Variants in ROBO2 observed in about 807,000 individuals in gnomAD.
ROBO2 encodes the protein roundabout homolog 2.
Under a neutral mutation model 160.8 loss-of-function variants are expected in ROBO2, and 53 were observed. That is an observed-to-expected ratio of 0.33 (90% CI 0.26 to 0.41). ROBO2 has a LOEUF of 0.41. Among genes scored for constraint, ROBO2 ranks in the 10% least tolerant of loss-of-function variants. ROBO2 has a pLI of 1.00. For synonymous variants in ROBO2, 664 were observed against 611.7 expected (o/e 1.09, Z -1.26); for missense variants, 1,577 against 1,722.4 (o/e 0.92, Z 1.49).
chr3:76,035,156 CT>C (rs1180539253), intron 2 of ROBO2, among the ~76,000 whole-genome samples: 3 of 149,224 alleles, frequency 2.0e-5, no homozygotes, highest in Admixed American at 2.0e-4. Flanking sequence ...ACTTACCTAT[CT>C]TTTTCTATGG....
At chr3:77,623,528 A>T (rs2094943209) in intron 23 of ROBO2, among the ~76,000 whole-genome samples, 1 of 152,202 alleles carries the variant, frequency 6.6e-6, no homozygotes, top group Non-Finnish European at 1.5e-5. Flanking sequence ...TGAATTACTC[A>T]ATGTGTGATG....
chr3:76,924,342 T>C (rs1442453844), intron 2 of ROBO2, among the ~76,000 whole-genome samples: 3 of 152,144 alleles, frequency 2.0e-5, no homozygotes, highest in African/African-American at 7.2e-5. Context: ...ATTATTTTCT[T>C]TATAAATGCT....
chr3:76,980,600 C>A (rs1270351423), intron 2 of ROBO2, among the ~76,000 whole-genome samples: 3 of 152,000 alleles, frequency 2.0e-5, no homozygotes, highest in Admixed American at 1.3e-4. Flanking sequence ...ACAACTTGAA[C>A]TATGCATTTT....
At chr3:76,035,569 A>C (rs890410059) in intron 2 of ROBO2, among the ~76,000 whole-genome samples, 1 of 152,026 alleles carries the variant, frequency 6.6e-6, no homozygotes, top group Admixed American at 6.5e-5. Context: ...AGCCACCAGC[A>C]ACTCCAATTT....
chr3:76,338,784 G>T (rs1198117834), intron 2 of ROBO2, among the ~76,000 whole-genome samples: 1 of 150,608 alleles, frequency 6.6e-6, no homozygotes, highest in Non-Finnish European at 1.5e-5. Context: ...TTATATATTT[G>T]ATTAATAAAC....
At chr3:77,433,058 A>G (rs148363041) in intron 2 of ROBO2, among the ~76,000 whole-genome samples, 1 of 152,230 alleles carries the variant, frequency 6.6e-6, no homozygotes, top group East Asian at 1.9e-4. Flanking sequence ...TTGTCGGACT[A>G]GTGATGAAGT....
chr3:75,927,725 AATAC>A (rs1356104470), intron 1 of ROBO2, among the ~76,000 whole-genome samples: 26 of 152,230 alleles, frequency 1.7e-4, no homozygotes, highest in Non-Finnish European at 8.8e-5. Flanking sequence ...GGCCACATAC[AATAC>A]AGATTGATTA....
At chr3:76,903,891 C>T (rs1237452682) in intron 2 of ROBO2, among the ~76,000 whole-genome samples, 1 of 152,074 alleles carries the variant, frequency 6.6e-6, no homozygotes, top group Non-Finnish European at 1.5e-5. Flanking sequence ...TTGCTCATTA[C>T]AGCCACTTGG....
intron 2 of ROBO2, among the ~76,000 whole-genome samples, chr3:77,143,491 C>T (rs974270444): frequency 9.2e-5 from 14 of 152,012 alleles, no homozygotes; most frequent in African/African-American, 2.2e-4. Context: ...CCACTGCGTC[C>T]GGCCCCACAG....
At chr3:76,435,489 T>C (rs771571727) in intron 2 of ROBO2, 72 of 684,302 alleles carry the variant, frequency 1.1e-4, no homozygotes, top group Admixed American at 3.3e-4. Flanking sequence ...TGTATCAAGA[T>C]GGTTCTTTTC....
intron 2 of ROBO2, among the ~76,000 whole-genome samples, chr3:77,113,011 G>T (rs1398035889): frequency 6.6e-6 from 1 of 152,088 alleles, no homozygotes; most frequent in Non-Finnish European, 1.5e-5. Context: ...TATACACAAG[G>T]AATTCAATAA....
intron 6 of ROBO2, among the ~76,000 whole-genome samples, chr3:77,531,086 C>T (rs1464083129): frequency 6.6e-6 from 1 of 151,980 alleles, no homozygotes; most frequent in East Asian, 1.9e-4. Context: ...CGAAGCCGTC[C>T]TGTTCCGTTT....
chr3:76,275,831 A>G (rs1461389290), intron 2 of ROBO2, among the ~76,000 whole-genome samples: 2 of 152,144 alleles, frequency 1.3e-5, no homozygotes, highest in East Asian at 3.8e-4. Context: ...CCTGTAAATG[A>G]CTTCCAGAAG....
intron 2 of ROBO2, among the ~76,000 whole-genome samples, chr3:77,001,528 A>C (rs2061335499): frequency 6.6e-6 from 1 of 152,140 alleles, no homozygotes; most frequent in East Asian, 1.9e-4. Flanking sequence ...CTCTGCCAAC[A>C]CATGAACAGG....
intron 2 of ROBO2, among the ~76,000 whole-genome samples, chr3:76,039,638 AG>A (rs1362408998): frequency 6.6e-6 from 1 of 152,102 alleles, no homozygotes; most frequent in East Asian, 1.9e-4. Context: ...CTTTGTCTAC[AG>A]GGTAAAAGGA....
At chr3:76,874,543 C>A (rs2072494022) in intron 2 of ROBO2, among the ~76,000 whole-genome samples, 1 of 152,104 alleles carries the variant, frequency 6.6e-6, no homozygotes, top group African/African-American at 2.4e-5. Flanking sequence ...GCAGAGGGGC[C>A]ATGGTGCCTG....
In ROBO2 at chr3:77,530,399, C is replaced by G. The variant is rs137900803; in HGVS notation, c.934+7497C>G. On this transcript the variant is annotated intron_variant, in intron 6 of 25. Coordinates refer to ENST00000461745, the Ensembl canonical transcript of ROBO2. The stretch of plus-strand genomic sequence containing the variant: ...CCCTTTAGAAATCATTACAAACCCC[C>G]AAACTGAGAATTTTGTCTAAATGGA... Among the ~76,000 whole-genome samples, 1,108 of 152,024 alleles carry G rather than the reference C, an allele frequency of 7.3e-3. 3 individuals are homozygous for G. Among genetic ancestry groups the G allele is most frequent in the Non-Finnish European group, 0.01 (701 of 67,932 alleles).
intron 2 of ROBO2, among the ~76,000 whole-genome samples, chr3:77,446,264 C>G (rs911710472): frequency 1.3e-5 from 2 of 152,096 alleles, no homozygotes; most frequent in Non-Finnish European, 2.9e-5. Context: ...CACACACACA[C>G]ACATAAACAC....
exon 22 of ROBO2, chr3:77,617,621 T>A: frequency 1.9e-6 from 3 of 1,614,158 alleles, no homozygotes; most frequent in Non-Finnish European, 1.7e-6. Flanking sequence ...CACCTCCTGT[T>A]CGAGGCGTGG....
Sources: allele counts gnomAD v4.1 joint callset (sites outside exome capture counted in the v4.1 genomes callset), GRCh38; gene constraint gnomAD v4.1.1; transcripts MANE v1.5; gene names NCBI Gene and HGNC (gene_info 2026-07-23, HGNC 2026-07-21).